JHY: variants seen among roughly 807,000 people sequenced by gnomAD.
JHY encodes jhy protein homolog.
A neutral mutation model predicts 78.0 loss-of-function variants in JHY; 69 were observed. The observed-to-expected ratio is 0.88, with a 90% CI of 0.73 to 1.08. JHY has a LOEUF of 1.08. Among genes scored for constraint, JHY ranks in the 50% least tolerant of loss-of-function variants. JHY has a pLI of 0.00. For missense variants in JHY, 944 were observed against 927.8 expected (o/e 1.02, Z -0.23); for synonymous variants, 368 against 342.6 (o/e 1.07, Z -0.82).
intron 2 of JHY, among the ~76,000 whole-genome samples, chr11:122,896,507 T>G (rs1565308004): frequency 6.6e-6 from 1 of 152,154 alleles, no homozygotes; most frequent in Admixed American, 6.5e-5. Flanking sequence ...CTTAATCCCA[T>G]TCCCTAAATT....
At chr11:122,906,442 T>C (rs1327201437) in intron 3 of JHY, among the ~76,000 whole-genome samples, 2 of 152,130 alleles carry the variant, frequency 1.3e-5, no homozygotes, top group African/African-American at 2.4e-5. Flanking sequence ...ATGATCCTTC[T>C]ACCTTGGCTC....
At chr11:122,948,391 C>T (rs1364572800) in intron 6 of JHY, among the ~76,000 whole-genome samples, 2 of 151,028 alleles carry the variant, frequency 1.3e-5, no homozygotes, top group South Asian at 2.1e-4. Context: ...TGCAGTGAGT[C>T]GAGATTGCAC....
Position 122,957,811 on chromosome 11 carries a change from TCACACACACA to T in JHY, c.2139+332_2139+341del, listed in dbSNP as rs113733119. 2.0e-5 allele frequency among the ~76,000 whole-genome samples: 3 copies of T among 149,712 alleles called. No homozygotes were observed. The East Asian group carries it at 5.9e-4, about 29-fold the overall frequency. On this transcript the variant is annotated intron_variant, in intron 8 of 8. Transcript: ENST00000227349. ...CAATGCAATAGTGACACACACACAG[TCACACACACA>T]CACACACACACTTTTGTAAAGTTAA...
chr11:122,915,278 G>A (rs1051613678), intron 3 of JHY, among the ~76,000 whole-genome samples: 1 of 152,038 alleles, frequency 6.6e-6, no homozygotes, highest in African/African-American at 2.4e-5. Flanking sequence ...ATGAGCCCGC[G>A]GTCATTTTCT....
chr11:122,891,479 A>C (rs981843889), intron 2 of JHY, among the ~76,000 whole-genome samples: 1 of 151,902 alleles, frequency 6.6e-6, no homozygotes, highest in African/African-American at 2.4e-5. Context: ...GCCTTATGAC[A>C]CTCAGCACTC....
rs992290158 is a variant in JHY at position 122,959,720 on chromosome 11, T to G, written c.*275T>G. 3.1e-6 allele frequency: 1 copy of G among 323,404 alleles called. No homozygotes were observed. Among genetic ancestry groups the G allele is most frequent in the Non-Finnish European group, 5.7e-6 (1 of 176,662 alleles). 20.0% of individuals were successfully genotyped at this position (323,404 alleles called of 1,614,324 possible). On this transcript the variant is annotated 3_prime_UTR_variant, in exon 9 of 9. Transcript: ENST00000227349. ...AGAGAATAAAGCTTTTGTTTTATAT[T>G]GATCTTTTGATTTCTTCATCTCTAC...
chr11:122,918,713 T>C (rs1274222502), intron 3 of JHY, among the ~76,000 whole-genome samples: 1 of 151,366 alleles, frequency 6.6e-6, no homozygotes, highest in Non-Finnish European at 1.5e-5. Flanking sequence ...TAAATGCAAG[T>C]TCAGTGAGCA....
chr11:122,908,350 C>T (rs1863038140), intron 3 of JHY, among the ~76,000 whole-genome samples: 1 of 152,232 alleles, frequency 6.6e-6, no homozygotes, highest in East Asian at 1.9e-4. Context: ...CAGGCCTACA[C>T]TTTGAGAACC....
intron 4 of JHY, among the ~76,000 whole-genome samples, chr11:122,926,187 CA>C (rs574945272): frequency 0.013 from 533 of 40,062 alleles, no homozygotes; most frequent in African/African-American, 0.029. Flanking sequence ...GACTCCATCT[CA>C]AAAAAAAAAA....
intron 8 of JHY, among the ~76,000 whole-genome samples, chr11:122,958,466 A>G (rs1233102753): frequency 1.3e-5 from 2 of 152,128 alleles, no homozygotes; most frequent in African/African-American, 4.8e-5. Flanking sequence ...TTTCAAGGCA[A>G]CAAACCTATA....
chr11:122,958,866 A>T, intron 8 of JHY: 2 of 985,370 alleles, frequency 2.0e-6, no homozygotes, highest in Non-Finnish European at 2.4e-6. Context: ...AAGCTGTAAC[A>T]AGTCTTCTTT....
At chr11:122,893,548 G>A (rs1862670643) in intron 2 of JHY, among the ~76,000 whole-genome samples, 1 of 152,138 alleles carries the variant, frequency 6.6e-6, no homozygotes, top group Non-Finnish European at 1.5e-5. Context: ...CTCATAAAGT[G>A]TGATTTATTT....
In JHY at chr11:122,937,451, C is replaced by T. The variant is rs900804104; in HGVS notation, c.1634+2376C>T. 6.6e-5 allele frequency among the ~76,000 whole-genome samples: 10 copies of T among 152,060 alleles called. No individual in the cohort carries two copies. The South Asian group carries it at 8.3e-4, about 13-fold the overall frequency. ...AGACACCTTTACTTTCTTTCTCTTT[C>T]GAGACTTGCTTCACAGCTGTCCTGG... On this transcript the variant is annotated intron_variant, in intron 5 of 8. Coordinates refer to ENST00000227349, the MANE Select transcript of JHY (RefSeq NM_024806.4).
At chr11:122,902,945 G>T (rs1862894039) in intron 2 of JHY, among the ~76,000 whole-genome samples, 1 of 152,192 alleles carries the variant, frequency 6.6e-6, no homozygotes, top group Non-Finnish European at 1.5e-5. Context: ...TAACATAGTT[G>T]TTGATTATCA....
At chr11:122,929,084 C>T (rs886753654) in intron 4 of JHY, among the ~76,000 whole-genome samples, 21 of 152,220 alleles carry the variant, frequency 1.4e-4, no homozygotes, top group African/African-American at 4.8e-4. Flanking sequence ...TGTGCCACCA[C>T]GCCTCGCTAA....
Position 122,885,806 on chromosome 11 carries a change from C to T in JHY, c.-44C>T, listed in dbSNP as rs1446262915. 1 of 1,436,692 alleles carries T rather than the reference C, an allele frequency of 7.0e-7. No individual in the cohort carries two copies. The highest frequency in any genetic ancestry group is 9.6e-7 in the Non-Finnish European group (1 of 1,044,614). 89.0% of individuals were successfully genotyped at this position (1,436,692 alleles called of 1,614,324 possible). ...AACTTTAAATATCAGCCAGCTGCTC[C>T]TATCAACACGAGTATCCCCTGTTAA... On this transcript the variant is annotated 5_prime_UTR_variant, in exon 2 of 9. Transcript: ENST00000227349.
intron 5 of JHY, among the ~76,000 whole-genome samples, chr11:122,938,503 T>C (rs1365145238): frequency 3.3e-5 from 5 of 152,206 alleles, no homozygotes; most frequent in Non-Finnish European, 7.3e-5. Context: ...CAACGTCTTC[T>C]TAGATTTTCA....
rs12808140 is a variant in JHY at position 122,898,365 on chromosome 11, C to T, written c.345-5560C>T. ...CAATGCAACATGATGTGCAGGAGCC[C>T]GATCCAGAGCAGACTGCCAGGCTCT... is the stretch of plus-strand genomic sequence containing the variant. On this transcript the variant is annotated intron_variant, in intron 2 of 8. Transcript: ENST00000227349. The surrounding 1 kb of genome is among the most constrained non-coding windows in gnomAD (Gnocchi z 4.4). Among the ~76,000 whole-genome samples, 1,730 of 152,234 alleles carry T rather than the reference C, an allele frequency of 0.011. 17 individuals are homozygous for T. Among genetic ancestry groups the T allele is most frequent in the Middle Eastern group, 0.048 (14 of 294 alleles).
At chr11:122,919,081 A>T in intron 3 of JHY, among the ~76,000 whole-genome samples, 1 of 152,116 alleles carries the variant, frequency 6.6e-6, no homozygotes. Context: ...GGCCAGGCAC[A>T]GTGGGTCACG....
Sources: allele counts gnomAD v4.1 joint callset (sites outside exome capture counted in the v4.1 genomes callset), GRCh38; gene constraint gnomAD v4.1.1; non-coding constraint Gnocchi (gnomAD v3.1); transcripts MANE v1.5; gene names NCBI Gene and HGNC (gene_info 2026-07-23, HGNC 2026-07-21).